The following TRA2A variants were observed in gnomAD, a reference collection of about 807,000 sequenced individuals.
The protein encoded by TRA2A is transformer-2 protein homolog alpha.
A neutral mutation model predicts 45.7 loss-of-function variants in TRA2A; 31 were observed. The observed-to-expected ratio is 0.68, with a 90% CI of 0.51 to 0.92. TRA2A has a LOEUF of 0.92. Ranked by LOEUF, TRA2A falls within the 40% of genes least tolerant of loss-of-function variation. The pLI is 0.00. For missense variants in TRA2A, 304 were observed against 367.5 expected (o/e 0.83, Z 1.41); for synonymous variants, 132 against 126.2 (o/e 1.05, Z -0.31).
chr7:23,526,023 G>A (rs144364521), intron 1 of TRA2A, among the ~76,000 whole-genome samples: 1 of 152,126 alleles, frequency 6.6e-6, no homozygotes, highest in Non-Finnish European at 1.5e-5. Context: ...ATACAAGCTG[G>A]TTAAGAATTG....
intron 2 of TRA2A, among the ~76,000 whole-genome samples, chr7:23,517,477 C>CAAAAAAAAAAAAAAAAA (rs70954385): frequency 7.9e-4 from 11 of 13,932 alleles, no homozygotes; most frequent in Non-Finnish European, 1.3e-3. Flanking sequence ...GACTACGTCT[C>CAAAAAAAAAAAAAAAAA]AAAAAAAAAA....
At position 23,505,585 on chromosome 7, in the gene TRA2A, C is replaced by CAAAAAAAAA. The variant is rs5882904; in HGVS notation, c.839-25_839-17dup. 9.8e-5 allele frequency: 24 copies of CAAAAAAAAA among 244,986 alleles called. 1 individual carries two copies. Among genetic ancestry groups the CAAAAAAAAA allele is most frequent in the South Asian group, 9.2e-4 (9 of 9,820 alleles). The allele number at this position is 244,986 out of a possible 1,614,324, so 15.2% of individuals were successfully genotyped here. A position where few individuals can be genotyped will look rare whatever the true frequency, so the allele number is the denominator to read the frequency against. On this transcript the variant is annotated splice_polypyrimidine_tract_variant and intron_variant, in intron 7 of 7. Transcript: ENST00000297071. ...CAATAGCGTCCTAAAAGAGAAAAAG[C>CAAAAAAAAA]AAAAAAAAAAAAAAAAAAAAAAAGT...
chr7:23,526,915 C>G (rs1284999163), intron 1 of TRA2A, among the ~76,000 whole-genome samples: 2 of 151,956 alleles, frequency 1.3e-5, no homozygotes, highest in African/African-American at 4.8e-5. Flanking sequence ...TAACTGACAC[C>G]CACATATAAT....
In TRA2A at chr7:23,520,683, ATTTTTTTTTTTTTT is replaced by A. The variant is rs11346990; in HGVS notation, c.170+1010_170+1023del. On this transcript the variant is annotated intron_variant, in intron 2 of 7. Coordinates refer to ENST00000297071, the MANE Select transcript of TRA2A (RefSeq NM_013293.5). ...AAGCTAACTGGTCAGGCTGTTTTAAATTTTTTTTTTTTTTTTTTTTTTTTAAAAAGAAAGAGTCT... is the reference window on the plus strand; with the variant it reads ...AAGCTAACTGGTCAGGCTGTTTTAAATTTTTTTTTTAAAAAGAAAGAGTCT... Among the ~76,000 whole-genome samples, 55 of 129,732 alleles carry A rather than the reference ATTTTTTTTTTTTTT, an allele frequency of 4.2e-4. No individual in the cohort carries two copies. The East Asian group carries it at 6.9e-3, about 16-fold the overall frequency. 85.1% of individuals were successfully genotyped at this position (129,732 alleles called of 152,430 possible).
chr7:23,507,225 G>T, intron 5 of TRA2A, 195 bp downstream of exon 5: 1 of 535,846 alleles, frequency 1.9e-6, no homozygotes, highest in Non-Finnish European at 3.3e-6. Context: ...CTCAGCTCCC[G>T]AGCAGCTGGG....
chr7:23,512,786 A>T, intron 4 of TRA2A, 108 bp downstream of exon 4: 1 of 1,009,856 alleles, frequency 9.9e-7, no homozygotes, highest in Non-Finnish European at 1.4e-6. Flanking sequence ...AAAAAAAAAA[A>T]AGAAAAAAAG....
intron 1 of TRA2A, chr7:23,522,306 T>C: frequency 8.5e-7 from 1 of 1,170,582 alleles, no homozygotes; most frequent in Non-Finnish European, 1.1e-6. Flanking sequence ...ACCAATCTTC[T>C]GTTCAATTTT....
intron 4 of TRA2A, among the ~76,000 whole-genome samples, chr7:23,510,673 C>G (rs193144836): frequency 6.6e-6 from 1 of 152,024 alleles, no homozygotes; most frequent in Non-Finnish European, 1.5e-5. Flanking sequence ...CAGGTGGAAT[C>G]AAGAGATAAA....
At chr7:23,513,775 T>TAA in intron 3 of TRA2A, among the ~76,000 whole-genome samples, 2 of 152,292 alleles carry the variant, frequency 1.3e-5, no homozygotes, top group Admixed American at 1.3e-4. Context: ...GTGTCTACCT[T>TAA]ACTGTTGTGT....
chr7:23,525,347 C>T (rs1030060661), intron 1 of TRA2A, among the ~76,000 whole-genome samples: 5 of 152,158 alleles, frequency 3.3e-5, no homozygotes, highest in Non-Finnish European at 7.3e-5. Context: ...GGTATCTGCC[C>T]TGTTTCACTA....
chr7:23,509,254 G>C (rs116316004), intron 4 of TRA2A, among the ~76,000 whole-genome samples: 5,447 of 151,294 alleles, frequency 0.036, 346 homozygotes, highest in African/African-American at 0.13. Flanking sequence ...TGATCTCCCT[G>C]CACCCCATCC....
rs575545709 is a variant in TRA2A, at chr7:23,507,133, T to C, written c.641+287A>G. The C allele has an allele frequency of 2.6e-5, 9 of 343,136 alleles. No homozygotes were observed. The South Asian group carries it at 3.0e-4, about 12-fold the overall frequency. 21.3% of individuals were successfully genotyped at this position (343,136 alleles called of 1,614,324 possible). On this transcript the variant is annotated intron_variant, in intron 5 of 7. Transcript: ENST00000297071. ...TTATCAAAACCCCTACTTATGTTTT[T>C]TTTCTTTTTTGAGAAAGAGTCTCAC... is the stretch of plus-strand genomic sequence containing the variant.
At chr7:23,510,278 C>A (rs969720664) in intron 4 of TRA2A, among the ~76,000 whole-genome samples, 1 of 152,170 alleles carries the variant, frequency 6.6e-6, no homozygotes, top group African/African-American at 2.4e-5. Context: ...AACTTCTAAT[C>A]CTGCCACTAA....
At chr7:23,510,805 T>C (rs1251708681) in intron 4 of TRA2A, among the ~76,000 whole-genome samples, 2 of 151,932 alleles carry the variant, frequency 1.3e-5, no homozygotes, top group African/African-American at 4.8e-5. Flanking sequence ...TATCTCTTAA[T>C]TGAGAAAAGG....
rs1184389854 is a variant in TRA2A at position 23,509,737 on chromosome 7, A to T, written c.526-2202T>A. Among the ~76,000 whole-genome samples, 3 of 151,454 alleles carry T rather than the reference A, an allele frequency of 2.0e-5. No homozygotes were observed. The East Asian group carries it at 5.8e-4, about 29-fold the overall frequency. ...ACAGAGCAAGACTCCGTCTCAAAAA[A>T]AAAAAATCACTTTAGCCAAGTGAAG... On this transcript the variant is annotated intron_variant, in intron 4 of 7. Transcript: ENST00000297071.
rs1469541527 is a variant in TRA2A at position 23,505,244 on chromosome 7, C to A, written c.*315G>T. The A allele has an allele frequency of 1.4e-5, 4 of 288,704 alleles. No homozygotes were observed. The highest frequency in any genetic ancestry group is 6.3e-6 in the Non-Finnish European group (1 of 159,002). 17.9% of individuals were successfully genotyped at this position (288,704 alleles called of 1,614,324 possible). Reference sequence around the variant, plus strand: ...AAAAGAAGCTTTAAAAAGACAGTTTCTTTCCTTATTTGATTAGCTAGAAGT... The same window carrying A: ...AAAAGAAGCTTTAAAAAGACAGTTTATTTCCTTATTTGATTAGCTAGAAGT... On this transcript the variant is annotated 3_prime_UTR_variant, in exon 8 of 8. Transcript: ENST00000297071.
At chr7:23,507,171 G>C in intron 5 of TRA2A, 2 of 475,364 alleles carry the variant, frequency 4.2e-6, no homozygotes, top group Non-Finnish European at 3.7e-6. Context: ...TGTTGCCCAG[G>C]CTCACTGCAA....
intron 4 of TRA2A, among the ~76,000 whole-genome samples, chr7:23,508,301 G>C (rs1004492585): frequency 7.1e-6 from 1 of 139,938 alleles, no homozygotes; most frequent in South Asian, 2.3e-4. Flanking sequence ...AAAAAAAGGA[G>C]GTCTCACTCC....
intron 6 of TRA2A, 124 bp from the exon 7 acceptor site, chr7:23,505,937 T>A: frequency 2.8e-6 from 2 of 706,552 alleles, no homozygotes; most frequent in Non-Finnish European, 4.5e-6. Context: ...AATATTAAGT[T>A]CTCTTTCTGC....
Sources: gnomAD v4.1 joint callset for allele counts (sites outside exome capture counted in the v4.1 genomes callset) on GRCh38, gnomAD v4.1.1 for gene constraint, MANE v1.5 for transcripts, NCBI Gene and HGNC (gene_info 2026-07-23, HGNC 2026-07-21) for gene names.